The following TAS2R1 variants were observed in gnomAD, a reference collection of about 807,000 sequenced individuals.
The protein encoded by TAS2R1 is taste 2 receptor member 1.
For missense variants in TAS2R1, 370 were observed against 353.4 expected (o/e 1.05, Z -0.38); for synonymous variants, 141 against 134.2 (o/e 1.05, Z -0.35).
chr5:9,823,125 G>T, the TAS2R1 span, among the ~76,000 whole-genome samples: 2 of 150,618 alleles, frequency 1.3e-5, no homozygotes, highest in Admixed American at 1.3e-4. Context: ...GAATAAAAAA[G>T]ACTTATATAA....
intron 1 of TAS2R1, among the ~76,000 whole-genome samples, chr5:9,692,849 C>T (rs1369288970): frequency 6.6e-6 from 1 of 151,970 alleles, no homozygotes; most frequent in Non-Finnish European, 1.5e-5. Flanking sequence ...CTTTTTTTTC[C>T]CTCAACCCTG....
At chr5:9,690,767 A>G (rs1741233363) in intron 1 of TAS2R1, among the ~76,000 whole-genome samples, 1 of 152,062 alleles carries the variant, frequency 6.6e-6, no homozygotes, top group Non-Finnish European at 1.5e-5. Flanking sequence ...AAGGGGCAAC[A>G]GTTTTCATGC....
chr5:9,880,073 C>CA, the TAS2R1 span, among the ~76,000 whole-genome samples: 1 of 152,148 alleles, frequency 6.6e-6, no homozygotes, highest in Non-Finnish European at 1.5e-5. Context: ...TCTACAAACC[C>CA]AAACCCCATT....
the TAS2R1 span, among the ~76,000 whole-genome samples, chr5:9,831,206 C>T: frequency 1.3e-5 from 2 of 152,144 alleles, no homozygotes; most frequent in East Asian, 3.9e-4. Flanking sequence ...CGTCTCAAGG[C>T]AATTTGAGAA....
At chr5:9,653,209 C>T (rs769137197) in intron 2 of TAS2R1, among the ~76,000 whole-genome samples, 2 of 152,140 alleles carry the variant, frequency 1.3e-5, no homozygotes, top group Admixed American at 6.5e-5. Context: ...TTGTAACATA[C>T]GTCAGAATGT....
At chr5:9,735,707 A>G in the TAS2R1 span, among the ~76,000 whole-genome samples, 31,878 of 152,174 alleles carry the variant, frequency 0.21, 3,627 homozygotes, top group Middle Eastern at 0.35. Context: ...CATAATAGTA[A>G]ATTATATACT....
At chr5:9,670,737 A>G (rs1252946499) in intron 1 of TAS2R1, among the ~76,000 whole-genome samples, 6 of 152,302 alleles carry the variant, frequency 3.9e-5, no homozygotes, top group Middle Eastern at 3.4e-3. Flanking sequence ...TATCATTTCT[A>G]CTGAAACTAT....
chr5:9,782,448 C>T, the TAS2R1 span, among the ~76,000 whole-genome samples: 1,121 of 81,538 alleles, frequency 0.014, 9 homozygotes, highest in African/African-American at 0.052. Context: ...GGTGGGCATC[C>T]TGATGGGTGG....
In TAS2R1 at chr5:9,704,514, G is replaced by A. The variant is rs187371536; in HGVS notation, c.-242+7658C>T. ...CAAAGCACAGCAAAAGGCAGTTCAC[G>A]ATGAAGAAACCAAATGAAGTCATCC... On this transcript the variant is annotated intron_variant, in intron 1 of 2. Transcript: ENST00000506620. Among the ~76,000 whole-genome samples, 156 of 152,280 alleles carry A rather than the reference G, an allele frequency of 1.0e-3. 1 individual carries two copies. Among genetic ancestry groups the A allele is most frequent in the Admixed American group, 9.5e-3 (145 of 15,288 alleles).
the TAS2R1 span, among the ~76,000 whole-genome samples, chr5:9,868,829 A>G: frequency 6.6e-6 from 1 of 152,124 alleles, no homozygotes; most frequent in Admixed American, 6.5e-5. Context: ...TATCTCTCTC[A>G]GGTTCGAAGT....
chr5:9,861,284 A>G, the TAS2R1 span, among the ~76,000 whole-genome samples: 1 of 151,892 alleles, frequency 6.6e-6, no homozygotes, highest in East Asian at 1.9e-4. Flanking sequence ...ACACCAGCCC[A>G]CGCACGGATC....
chr5:9,673,773 T>A (rs1740816544), intron 1 of TAS2R1, among the ~76,000 whole-genome samples: 1 of 152,158 alleles, frequency 6.6e-6, no homozygotes, highest in South Asian at 2.1e-4. Context: ...GAATTTCACC[T>A]GTGCACAAAC....
the TAS2R1 span, among the ~76,000 whole-genome samples, chr5:9,872,706 A>G: frequency 6.6e-6 from 1 of 152,232 alleles, no homozygotes; most frequent in South Asian, 2.1e-4. Flanking sequence ...GCTACTAACC[A>G]AAGATTCTTT....
the TAS2R1 span, among the ~76,000 whole-genome samples, chr5:9,747,783 A>C: frequency 6.6e-6 from 1 of 152,012 alleles, no homozygotes; most frequent in African/African-American, 2.4e-5. Context: ...AAAAAGGAGA[A>C]CAAAAAATGA....
chr5:9,861,360 C>G, the TAS2R1 span, among the ~76,000 whole-genome samples: 1 of 152,076 alleles, frequency 6.6e-6, no homozygotes, highest in African/African-American at 2.4e-5. Context: ...CCTGTGTCAC[C>G]ATTAGAACAT....
chr5:9,899,038 T>C, the TAS2R1 span, among the ~76,000 whole-genome samples: 1 of 152,214 alleles, frequency 6.6e-6, no homozygotes, highest in South Asian at 2.1e-4. Flanking sequence ...TGTGTATTTC[T>C]CTTTTGGACA....
chr5:9,795,205 C>T, the TAS2R1 span, among the ~76,000 whole-genome samples: 1 of 152,204 alleles, frequency 6.6e-6, no homozygotes, highest in Non-Finnish European at 1.5e-5. Flanking sequence ...TTCTACAAAG[C>T]AACCAGAGGC....
At chr5:9,700,669 A>G (rs368189988) in intron 1 of TAS2R1, among the ~76,000 whole-genome samples, 25 of 152,210 alleles carry the variant, frequency 1.6e-4, no homozygotes, top group African/African-American at 5.8e-4. Context: ...TTGTTTGATC[A>G]CAGTCCTGGA....
At chr5:9,898,212 T>C in the TAS2R1 span, among the ~76,000 whole-genome samples, 6 of 152,246 alleles carry the variant, frequency 3.9e-5, no homozygotes, top group African/African-American at 7.2e-5. Flanking sequence ...TCCTTAAGTG[T>C]GTCTCCTCCT....
Sources: allele counts gnomAD v4.1 joint callset (sites outside exome capture counted in the v4.1 genomes callset), GRCh38; gene constraint gnomAD v4.1.1; transcripts MANE v1.5; gene names NCBI Gene and HGNC (gene_info 2026-07-23, HGNC 2026-07-21).